The following DRAXIN variants were observed in gnomAD, a reference collection of about 807,000 sequenced individuals.
DRAXIN encodes dorsal repulsive axon guidance protein.
A neutral mutation model predicts 33.9 loss-of-function variants in DRAXIN; 27 were observed. The ratio of observed to expected loss-of-function variants is 0.80; its 90% CI spans 0.59 to 1.10. The LOEUF is 1.10. Ranked by LOEUF, DRAXIN falls within the 50% of genes least tolerant of loss-of-function variation. The pLI, the probability that DRAXIN is intolerant of heterozygous loss-of-function variation, is 0.00. For missense variants in DRAXIN, 371 were observed against 460.8 expected, an observed-to-expected ratio of 0.81 and a Z score of 1.78; for synonymous variants, 178 against 194.0, an observed-to-expected ratio of 0.92 and a Z score of 0.69.
rs373761378 is a variant in DRAXIN at position 11,692,985 on chromosome 1, G to A, written c.-11+1132G>A. Reference sequence around the variant, plus strand: ...GAGGGGAGTCTACAGACCTGGGATGGGGTGGGGACAGGGGGCTCCACAGAA... The same window carrying A: ...GAGGGGAGTCTACAGACCTGGGATGAGGTGGGGACAGGGGGCTCCACAGAA... On this transcript the variant is annotated intron_variant, in intron 1 of 6. Transcript: ENST00000294485. The surrounding 1 kb of genome is among the most constrained non-coding windows in gnomAD (Gnocchi z 5.8). 1.6e-4 allele frequency among the ~76,000 whole-genome samples: 25 copies of A among 151,852 alleles called. No individual in the cohort carries two copies. The highest frequency in any genetic ancestry group is 6.0e-4 in the African/African-American group (25 of 41,368).
rs2100728445 is a variant in DRAXIN at position 11,694,413 on chromosome 1, T to C, written c.-11+2560T>C. Among the ~76,000 whole-genome samples, 1 of 152,076 alleles carries C rather than the reference T, an allele frequency of 6.6e-6. No individual in the cohort carries two copies. The highest frequency in any genetic ancestry group is 3.4e-3 in the Middle Eastern group (1 of 294). On this transcript the variant is annotated intron_variant, in intron 1 of 6. Coordinates refer to ENST00000294485, the MANE Select transcript of DRAXIN (RefSeq NM_198545.4). The surrounding 1 kb of genome is among the most constrained non-coding windows in gnomAD (Gnocchi z 4.9). ...GGAAACCCCTGTGATACTGAGGCCC[T>C]GTATCACTCTGGAAAATGAGGGTGG...
rs1045278224 is a variant in DRAXIN at position 11,705,440 on chromosome 1, A to C, written c.-10-809A>C. ...GTCGGGTTGGCTCAGTCTACCCTGC[A>C]GGGGTCAGAGCCAAGTCTGCAAAGC... is the stretch of plus-strand genomic sequence containing the variant. On this transcript the variant is annotated intron_variant, in intron 1 of 6. Transcript: ENST00000294485. The surrounding 1 kb of genome is among the most constrained non-coding windows in gnomAD (Gnocchi z 4.8). Among the ~76,000 whole-genome samples, 1 of 152,082 alleles carries C rather than the reference A, an allele frequency of 6.6e-6. No homozygotes were observed. Among genetic ancestry groups the C allele is most frequent in the Admixed American group, 6.5e-5 (1 of 15,274 alleles).
Position 11,712,427 on chromosome 1 carries a change from C to CAGGT in DRAXIN, c.847_847+3dup. ...TGCGACCATCACCAAGACTGCCTGC[C>CAGGT]AGGTACCAGCCAGCACCCACATTCA... On this transcript the variant is annotated frameshift_variant and splice_region_variant, in exon 5 of 7. Coordinates refer to ENST00000294485, the MANE Select transcript of DRAXIN (RefSeq NM_198545.4). LOFTEE classifies it high-confidence loss of function. The CAGGT allele has an allele frequency of 6.2e-7, 1 of 1,614,050 alleles. No individual in the cohort carries two copies.
intron 2 of DRAXIN, among the ~76,000 whole-genome samples, chr1:11,708,016 G>C (rs1386210744): frequency 3.9e-5 from 6 of 152,242 alleles, no homozygotes; most frequent in African/African-American, 1.2e-4. Context: ...AACAGCTGAG[G>C]CTGGCTTCCC....
At position 11,704,753 on chromosome 1, in the gene DRAXIN, G is replaced by A. The variant is rs2100735694; in HGVS notation, c.-10-1496G>A. ...TCTTCAGCCAGATCCCCGGGATAGGGGACAAGATGGAAAGTGACGGCCACC... is the reference window on the plus strand; with the variant it reads ...TCTTCAGCCAGATCCCCGGGATAGGAGACAAGATGGAAAGTGACGGCCACC... On this transcript the variant is annotated intron_variant, in intron 1 of 6. Coordinates refer to ENST00000294485, the MANE Select transcript of DRAXIN (RefSeq NM_198545.4). The surrounding 1 kb of genome is among the most constrained non-coding windows in gnomAD (Gnocchi z 4.6). Among the ~76,000 whole-genome samples, 1 of 152,298 alleles carries A rather than the reference G, an allele frequency of 6.6e-6. No homozygotes were observed. The highest frequency in any genetic ancestry group is 1.9e-4 in the East Asian group (1 of 5,184).
upstream of DRAXIN, among the ~76,000 whole-genome samples, chr1:11,687,684 C>T (rs1467969392): frequency 6.6e-6 from 1 of 152,222 alleles, no homozygotes; most frequent in Non-Finnish European, 1.5e-5. This position sits in a 1 kb window ranked among gnomAD's most constrained non-coding sequence, Gnocchi z 4.1. Context: ...CCTGGACTTG[C>T]CAATACGGAA....
intron 6 of DRAXIN, among the ~76,000 whole-genome samples, chr1:11,716,507 G>A (rs1184055910): frequency 2.0e-5 from 3 of 152,224 alleles, no homozygotes; most frequent in Admixed American, 2.0e-4. Flanking sequence ...CAGCCCCTCT[G>A]TGGACCTGAG....
upstream of DRAXIN, among the ~76,000 whole-genome samples, chr1:11,687,667 C>T (rs893184148): frequency 2.1e-4 from 32 of 152,216 alleles, no homozygotes; most frequent in African/African-American, 6.8e-4. This position sits in a 1 kb window ranked among gnomAD's most constrained non-coding sequence, Gnocchi z 4.1. Context: ...TGAGCCACTG[C>T]GCCTGACCTG....
In DRAXIN at chr1:11,707,065, A is replaced by T. The variant is rs4845873; in HGVS notation, c.451+356A>T. On this transcript the variant is annotated intron_variant, in intron 2 of 6. Transcript: ENST00000294485. Reference sequence around the variant, plus strand: ...AAATACAAAAAATTAGCCGGGCGCGATGGTGGGCGCCTGTAGTCCCAGCTA... The same window carrying T: ...AAATACAAAAAATTAGCCGGGCGCGTTGGTGGGCGCCTGTAGTCCCAGCTA... 1.2e-4 allele frequency among the ~76,000 whole-genome samples: 18 copies of T among 152,108 alleles called. 2 individuals carry two copies. Among genetic ancestry groups the T allele is most frequent in the South Asian group, 2.1e-4 (1 of 4,822 alleles).
rs1641073499 is a variant in DRAXIN, at chr1:11,691,770, T to G, written c.-94T>G. ...CGCGCACCTCTCCACGCCGGCCCCG[T>G]TCCGCGGCTCGCCCTCGGCTGCGCT... On this transcript the variant is annotated 5_prime_UTR_variant, in exon 1 of 7. Coordinates refer to ENST00000294485, the MANE Select transcript of DRAXIN (RefSeq NM_198545.4). The G allele has an allele frequency of 6.7e-6, 1 of 148,436 alleles. No individual in the cohort carries two copies. The highest frequency in any genetic ancestry group is 1.5e-5 in the Non-Finnish European group (1 of 66,860). The allele number at this position is 148,436 out of a possible 1,614,324, so 9.2% of individuals were successfully genotyped here.
At chr1:11,709,850 A>G (rs1641448559) in intron 3 of DRAXIN, among the ~76,000 whole-genome samples, 1 of 152,224 alleles carries the variant, frequency 6.6e-6, no homozygotes, top group African/African-American at 2.4e-5. Flanking sequence ...CAGAATTAAT[A>G]AGCATTAGCT....
chr1:11,686,807 T>TAAAAAAAAAAAAAAAAAAAAAAAAA (rs560855200), upstream of DRAXIN, among the ~76,000 whole-genome samples: 1 of 104,490 alleles, frequency 9.6e-6, no homozygotes, highest in Admixed American at 1.1e-4. Flanking sequence ...ACTGCCACTT[T>TAAAAAAAAAAAAAAAAAAAAAAAAA]AAAAAAAAAA....
In DRAXIN at chr1:11,696,671, G is replaced by A. The variant is rs1455369056; in HGVS notation, c.-11+4818G>A. Among the ~76,000 whole-genome samples the A allele has an allele frequency of 2.0e-5, 3 of 151,908 alleles. No homozygotes were observed. The highest frequency in any genetic ancestry group is 2.1e-4 in the South Asian group (1 of 4,824). Reference sequence around the variant, plus strand: ...AGATCGAGAACATCCTAATCAACACGGTGAAACTCTGTCTGTACTAAAAAT... The same window carrying A: ...AGATCGAGAACATCCTAATCAACACAGTGAAACTCTGTCTGTACTAAAAAT... On this transcript the variant is annotated intron_variant, in intron 1 of 6. Coordinates refer to ENST00000294485, the MANE Select transcript of DRAXIN (RefSeq NM_198545.4). The surrounding 1 kb of genome is among the most constrained non-coding windows in gnomAD (Gnocchi z 4.7).
chr1:11,712,515 A>G, intron 5 of DRAXIN, 86 bp downstream of exon 5: 1 of 1,356,366 alleles, frequency 7.4e-7, no homozygotes, highest in Non-Finnish European at 1.1e-6. Flanking sequence ...CATGTGCAGG[A>G]CCTGAGAATC....
chr1:11,710,071 G>A (rs571046854), intron 3 of DRAXIN, among the ~76,000 whole-genome samples: 110 of 152,100 alleles, frequency 7.2e-4, no homozygotes, highest in African/African-American at 2.6e-3. Flanking sequence ...TGTAGTCCCA[G>A]CTACTCGGGA....
At position 11,719,813 on chromosome 1, in the gene DRAXIN, C is replaced by A; in HGVS notation, c.*117C>A. 1.0e-6 allele frequency: 1 copy of A among 960,694 alleles called. No homozygotes were observed. The highest frequency in any genetic ancestry group is 1.6e-6 in the Non-Finnish European group (1 of 625,710). 59.5% of individuals were successfully genotyped at this position (960,694 alleles called of 1,614,324 possible). A position where few individuals can be genotyped will look rare whatever the true frequency, so the allele number is the denominator to read the frequency against. ...AGATGGCTGAGGCTGCAGACTCAGGCCCAGGACACTCAACCCCAGGAGGGG... is the reference window on the plus strand; with the variant it reads ...AGATGGCTGAGGCTGCAGACTCAGGACCAGGACACTCAACCCCAGGAGGGG... On this transcript the variant is annotated 3_prime_UTR_variant, in exon 7 of 7. Coordinates refer to ENST00000294485, the MANE Select transcript of DRAXIN (RefSeq NM_198545.4).
intron 3 of DRAXIN, 150 bp downstream of exon 3, chr1:11,709,615 C>G: frequency 9.6e-7 from 1 of 1,040,164 alleles, no homozygotes; most frequent in Non-Finnish European, 1.3e-6. Context: ...GCTGCCCATC[C>G]AGTCTAGCTC....
chr1:11,705,956 C>G lies in DRAXIN; in HGVS notation c.-10-293C>G, dbSNP rs116549174. Among the ~76,000 whole-genome samples the G allele has an allele frequency of 9.1e-3, 1,391 of 152,188 alleles. 25 individuals are homozygous for G. Among genetic ancestry groups the G allele is most frequent in the African/African-American group, 0.032 (1,310 of 41,528 alleles). On this transcript the variant is annotated intron_variant, in intron 1 of 6. Transcript: ENST00000294485. The surrounding 1 kb of genome is among the most constrained non-coding windows in gnomAD (Gnocchi z 4.8). ...TTGAATGCTGCTGAAATGATTTAAGCCGGGGGTTCTCAGCCTCGGTACTGT... is the reference window on the plus strand; with the variant it reads ...TTGAATGCTGCTGAAATGATTTAAGGCGGGGGTTCTCAGCCTCGGTACTGT...
intron 3 of DRAXIN, among the ~76,000 whole-genome samples, chr1:11,711,269 C>A (rs561084254): frequency 4.7e-4 from 71 of 152,376 alleles, no homozygotes; most frequent in Non-Finnish European, 8.8e-4. Context: ...CATCCAAGGC[C>A]CCCTGCAGGC....
Sources: allele counts gnomAD v4.1 joint callset (sites outside exome capture counted in the v4.1 genomes callset), GRCh38; gene constraint gnomAD v4.1.1; non-coding constraint Gnocchi (gnomAD v3.1); transcripts MANE v1.5; gene names NCBI Gene and HGNC (gene_info 2026-07-23, HGNC 2026-07-21).